TTC3: variants seen among roughly 807,000 people sequenced by gnomAD.
TTC3 encodes tetratricopeptide repeat domain 3.
In TTC3, 180 loss-of-function variants were observed where a neutral mutation model predicts 249.6. The observed-to-expected ratio is 0.72, with a 90% CI of 0.64 to 0.82. The LOEUF is 0.82. Among genes scored for constraint, TTC3 ranks in the 40% least tolerant of loss-of-function variants. The pLI, the probability that TTC3 is intolerant of heterozygous loss-of-function variation, is 0.00. For missense variants in TTC3, 2,061 were observed against 2,398.4 expected (o/e 0.86, Z 2.94); for synonymous variants, 717 against 805.0 (o/e 0.89, Z 1.85).
rs780919122 is a variant in TTC3 at position 37,144,552 on chromosome 21, G to GA, written c.1803dup (p.Ala602SerfsTer18). The GA allele has an allele frequency of 1.9e-6, 3 of 1,612,046 alleles. No individual in the cohort carries two copies. The South Asian group carries it at 3.3e-5, about 18-fold the overall frequency. On this transcript the variant is annotated frameshift_variant, in exon 21 of 46. Transcript: ENST00000355666. LOFTEE classifies it high-confidence loss of function. ...TTCTAGAAGCTCTCAATCACTTTGAGAAAGCAAGAACCTTGATTTATCGTC... is the reference window on the plus strand; with the variant it reads ...TTCTAGAAGCTCTCAATCACTTTGAGAAAAGCAAGAACCTTGATTTATCGTC...
At chr21:37,110,112 A>G (rs868758191) in intron 11 of TTC3, among the ~76,000 whole-genome samples, 41 of 152,346 alleles carry the variant, frequency 2.7e-4, no homozygotes, top group Admixed American at 1.5e-3. Flanking sequence ...TGGGGAAAAA[A>G]CAGAGCAGAA....
At chr21:37,104,975 C>G (rs1229479597) in intron 10 of TTC3, among the ~76,000 whole-genome samples, 1 of 152,160 alleles carries the variant, frequency 6.6e-6, no homozygotes, top group African/African-American at 2.4e-5. Flanking sequence ...CAGGATTGAG[C>G]CTTGAACACA....
chr21:37,185,775 G>A lies in TTC3; in HGVS notation c.4826+1G>A. ...ATCTGGATCAGTCCCTTGAAATCAG[G>A]CAAATTAAGCTTAAATTTATTTTTA... On this transcript the variant is annotated splice_donor_variant, in intron 37 of 45. Transcript: ENST00000355666. LOFTEE classifies it high-confidence loss of function. The A allele has an allele frequency of 1.3e-6, 2 of 1,522,354 alleles. No homozygotes were observed. The highest frequency in any genetic ancestry group is 2.5e-5 in the East Asian group (1 of 40,092). 94.3% of individuals were successfully genotyped at this position (1,522,354 alleles called of 1,614,324 possible). A position where few individuals can be genotyped will look rare whatever the true frequency, so the allele number is the denominator to read the frequency against.
intron 10 of TTC3, chr21:37,100,666 G>A (rs891419229): frequency 1.3e-5 from 2 of 152,258 alleles, no homozygotes; most frequent in Non-Finnish European, 1.5e-5. Context: ...AGGAGATGGG[G>A]TTGGAATGAG....
intron 15 of TTC3, among the ~76,000 whole-genome samples, chr21:37,127,346 T>C (rs753547520): frequency 2.1e-4 from 32 of 152,186 alleles, no homozygotes; most frequent in Non-Finnish European, 4.3e-4. Context: ...TTTTAAGTTG[T>C]GTGTGCTCAG....
At chr21:37,150,759 T>G (rs2079389410) in intron 24 of TTC3, 61 bp from the exon 25 acceptor site, 1 of 1,083,494 alleles carries the variant, frequency 9.2e-7, no homozygotes, top group East Asian at 2.4e-5. Context: ...TTACTTGTGG[T>G]TTTGTGTTTT....
rs566755205 is a variant in TTC3 at position 37,104,866 on chromosome 21, G to T, written c.846-3526G>T. Among the ~76,000 whole-genome samples the T allele has an allele frequency of 1.5e-3, 224 of 152,296 alleles. 2 individuals carry two copies. The highest frequency in any genetic ancestry group is 4.9e-3 in the African/African-American group (205 of 41,580). On this transcript the variant is annotated intron_variant, in intron 10 of 45. Coordinates refer to ENST00000355666, the Ensembl canonical transcript of TTC3. ...TCAATTAACCTAGAGTAAAGCTTGG[G>T]CATTGGGCTTCTAGGAACTCCCCAG...
intron 11 of TTC3, among the ~76,000 whole-genome samples, chr21:37,114,960 C>T (rs2076001377): frequency 6.6e-6 from 1 of 151,948 alleles, no homozygotes; most frequent in African/African-American, 2.4e-5. Context: ...CATGTTCTCA[C>T]TCATAGGTGG....
chr21:37,191,334 T>A (rs771742576), exon 40 of TTC3: 11 of 1,575,238 alleles, frequency 7.0e-6, no homozygotes, highest in Non-Finnish European at 9.4e-6. Flanking sequence ...ACTTTTTCAG[T>A]GATCCTGCAG....
chr21:37,138,578 A>T, intron 18 of TTC3, 56 bp from the exon 19 acceptor site: 1 of 1,193,638 alleles, frequency 8.4e-7, no homozygotes, highest in South Asian at 1.3e-5. Context: ...TTGTGACTGG[A>T]TGCAAATTGG....
intron 8 of TTC3, among the ~76,000 whole-genome samples, chr21:37,094,916 T>C (rs951630667): frequency 6.6e-6 from 1 of 152,072 alleles, no homozygotes. Flanking sequence ...GGAGGATTGC[T>C]TGAGGTCAGA....
rs775352888 is a variant in TTC3 at position 37,087,820 on chromosome 21, T to G, written c.145-13T>G. The G allele has an allele frequency of 3.7e-5, 58 of 1,574,210 alleles. 2 individuals are homozygous for G. In the South Asian group the frequency reaches 6.5e-4, roughly 18 times the overall value. On this transcript the variant is annotated splice_polypyrimidine_tract_variant and intron_variant, in intron 2 of 45. Coordinates refer to ENST00000355666, the Ensembl canonical transcript of TTC3. ...TTACTAGACACAAATCAAAATAATTTTCTTCTTTTTAGGGTGTGCAATATA... is the reference window on the plus strand; with the variant it reads ...TTACTAGACACAAATCAAAATAATTGTCTTCTTTTTAGGGTGTGCAATATA...
At chr21:37,129,304 T>C (rs1389191742) in intron 16 of TTC3, among the ~76,000 whole-genome samples, 2 of 152,192 alleles carry the variant, frequency 1.3e-5, no homozygotes, top group Non-Finnish European at 2.9e-5. Flanking sequence ...TATTTCCATA[T>C]TAATTTCTTA....
intron 42 of TTC3, among the ~76,000 whole-genome samples, chr21:37,196,557 G>A (rs2084935442): frequency 6.6e-6 from 1 of 152,134 alleles, no homozygotes; most frequent in Non-Finnish European, 1.5e-5. Context: ...TTTTTAATGT[G>A]CATATGTAAA....
At chr21:37,165,956 G>C in exon 33 of TTC3, 1 of 1,614,178 alleles carries the variant, frequency 6.2e-7, no homozygotes, top group Non-Finnish European at 8.5e-7. Context: ...TCCCAAGCCA[G>C]CTTGTGAAGA....
chr21:37,179,814 A>G (rs8130069), intron 35 of TTC3, among the ~76,000 whole-genome samples: 81,090 of 151,914 alleles, frequency 0.53, 22,287 homozygotes, highest in African/African-American at 0.64. Context: ...GGTTTTTAAA[A>G]TTATCTTTGG....
chr21:37,196,617 G>A (rs1602195407), intron 42 of TTC3, among the ~76,000 whole-genome samples: 1 of 152,336 alleles, frequency 6.6e-6, no homozygotes, highest in Middle Eastern at 3.4e-3. Context: ...ATGACAATTT[G>A]CTAAGATTTT....
At chr21:37,085,674 AGGC>A (rs2072364016) in intron 1 of TTC3, 1 of 152,264 alleles carries the variant, frequency 6.6e-6, no homozygotes, top group South Asian at 2.1e-4. Flanking sequence ...CTAGTGAGGT[AGGC>A]AGTGAAGATC....
intron 11 of TTC3, among the ~76,000 whole-genome samples, chr21:37,112,719 C>G (rs1033641977): frequency 1.3e-5 from 2 of 152,160 alleles, no homozygotes; most frequent in Non-Finnish European, 2.9e-5. Flanking sequence ...GATACCAAAG[C>G]CTGGCAGAGA....
Sources: allele counts gnomAD v4.1 joint callset (sites outside exome capture counted in the v4.1 genomes callset), GRCh38; gene constraint gnomAD v4.1.1; transcripts MANE v1.5; gene names NCBI Gene and HGNC (gene_info 2026-07-23, HGNC 2026-07-21).